THBS4: variants seen among roughly 807,000 people sequenced by gnomAD.
The protein encoded by THBS4 is thrombospondin 4, also known as thrombospondin-4.
A neutral mutation model predicts 115.7 loss-of-function variants in THBS4; 90 were observed. The observed-to-expected ratio is 0.78, with a 90% CI of 0.66 to 0.93. THBS4 has a LOEUF of 0.93. THBS4 is among the 40% of genes least tolerant of loss of function. The probability of loss-of-function intolerance (pLI) is 0.00; values close to 1 mark genes in which losing one functional copy is unlikely to be tolerated. For missense variants in THBS4, 1,087 were observed against 1,232.7 expected (o/e 0.88, Z 1.77); for synonymous variants, 460 against 479.3 (o/e 0.96, Z 0.53).
chr5:80,026,223 C>G (rs1000939063), intron 2 of THBS4, among the ~76,000 whole-genome samples: 5 of 152,166 alleles, frequency 3.3e-5, no homozygotes, highest in Admixed American at 3.3e-4. Flanking sequence ...GAAAGAAACA[C>G]TATACTTAGA....
At position 80,082,388 on chromosome 5, in the gene THBS4, CG is replaced by C. The variant is rs1743557307; in HGVS notation, c.2685-16del. ...GGGTTGGATTTCATGGAGGCCCCTC[CG>C]GCCGTGTTGTCCGCAGGGTACGATT... On this transcript the variant is annotated splice_polypyrimidine_tract_variant and intron_variant, in intron 20 of 21. Transcript: ENST00000350881. 6.2e-7 allele frequency: 1 copy of C among 1,612,230 alleles called. No individual in the cohort carries two copies. Among genetic ancestry groups the C allele is most frequent in the African/African-American group, 1.3e-5 (1 of 74,862 alleles).
chr5:80,076,685 T>C (rs940088756), intron 15 of THBS4, among the ~76,000 whole-genome samples, 170 bp from the exon 16 acceptor site: 5 of 152,168 alleles, frequency 3.3e-5, no homozygotes, highest in African/African-American at 1.2e-4. Context: ...GAAAATTGTC[T>C]CTGAGGCCCA....
intron 18 of THBS4, 42 bp downstream of exon 18, chr5:80,079,011 C>T: frequency 1.2e-6 from 2 of 1,613,340 alleles, no homozygotes; most frequent in Non-Finnish European, 1.7e-6. Context: ...AGAATTCTTC[C>T]AGCTACTAGT....
chr5:80,027,679 C>G (rs1023926372), intron 2 of THBS4, among the ~76,000 whole-genome samples: 1 of 151,788 alleles, frequency 6.6e-6, no homozygotes, highest in African/African-American at 2.4e-5. Context: ...GTGGACTGCT[C>G]GAGCCCAGGA....
At chr5:80,039,238 G>T (rs1832815930) in intron 1 of THBS4, among the ~76,000 whole-genome samples, 1 of 152,182 alleles carries the variant, frequency 6.6e-6, no homozygotes, top group South Asian at 2.1e-4. Flanking sequence ...ATTTGCGTCT[G>T]CTAATAGATA....
chr5:80,032,013 C>A (rs1832594922), upstream of THBS4, among the ~76,000 whole-genome samples: 1 of 151,820 alleles, frequency 6.6e-6, no homozygotes, highest in Non-Finnish European at 1.5e-5. Context: ...ATGAGATAAT[C>A]CTAAGGAGCT....
At chr5:80,054,911 A>G (rs1833373013) in intron 2 of THBS4, among the ~76,000 whole-genome samples, 1 of 152,236 alleles carries the variant, frequency 6.6e-6, no homozygotes, top group African/African-American at 2.4e-5. Flanking sequence ...AATCACACTC[A>G]GGTTCAGATT....
chr5:80,050,714 G>A (rs1466399256), intron 2 of THBS4, among the ~76,000 whole-genome samples: 1 of 152,166 alleles, frequency 6.6e-6, no homozygotes, highest in Non-Finnish European at 1.5e-5. Flanking sequence ...TTCGGGAAAG[G>A]GCTGTTATCA....
chr5:80,054,940 A>G (rs1049837794), intron 2 of THBS4, among the ~76,000 whole-genome samples: 3 of 152,176 alleles, frequency 2.0e-5, no homozygotes, highest in Admixed American at 2.0e-4. Context: ...GCCACTTCCT[A>G]TGTCCTTGAG....
chr5:80,025,728 G>T (rs1832463379), intron 2 of THBS4, among the ~76,000 whole-genome samples: 1 of 152,148 alleles, frequency 6.6e-6, no homozygotes, highest in African/African-American at 2.4e-5. Context: ...GGGACCCTTT[G>T]TCGCCTCTCA....
intron 2 of THBS4, among the ~76,000 whole-genome samples, chr5:80,003,955 T>C (rs1403599392): frequency 6.6e-6 from 1 of 152,208 alleles, no homozygotes; most frequent in Non-Finnish European, 1.5e-5. Flanking sequence ...ACAGCGAGGA[T>C]CTGGTAGTAA....
chr5:80,075,567 G>A (rs1379682201), intron 15 of THBS4, among the ~76,000 whole-genome samples: 1 of 152,098 alleles, frequency 6.6e-6, no homozygotes, highest in Non-Finnish European at 1.5e-5. Flanking sequence ...ATGTTCCCTG[G>A]TGCAGGTCAT....
intron 2 of THBS4, among the ~76,000 whole-genome samples, chr5:80,011,469 T>TA (rs900766739): frequency 6.6e-6 from 1 of 152,094 alleles, no homozygotes; most frequent in African/African-American, 2.4e-5. Context: ...GGAGAAGGGA[T>TA]ACTGGGGAGC....
chr5:79,997,823 C>T (rs1831825511), intron 1 of THBS4, among the ~76,000 whole-genome samples: 1 of 152,180 alleles, frequency 6.6e-6, no homozygotes, highest in Non-Finnish European at 1.5e-5. Context: ...TGGAATTAAA[C>T]TAGAAGTCAA....
intron 2 of THBS4, among the ~76,000 whole-genome samples, chr5:80,042,127 A>G (rs541303884): frequency 6.6e-6 from 1 of 152,116 alleles, no homozygotes; most frequent in Non-Finnish European, 1.5e-5. Flanking sequence ...TCAGATAATA[A>G]AGTGAGTCTG....
chr5:80,075,929 C>A (rs1342501246), intron 15 of THBS4: 1 of 152,320 alleles, frequency 6.6e-6, no homozygotes, highest in Non-Finnish European at 1.5e-5. Flanking sequence ...AGAGCATGGT[C>A]TGGTCCCTGG....
rs142541973 is a variant in THBS4, at chr5:80,049,653, G to A, written c.293-6132G>A. On this transcript the variant is annotated intron_variant, in intron 2 of 21. Transcript: ENST00000350881. ...TTTTCACTTCCCATAAGTAGTTGTAGTGGTGCCCTCAGATACTATGGGATG... is the reference window on the plus strand; with the variant it reads ...TTTTCACTTCCCATAAGTAGTTGTAATGGTGCCCTCAGATACTATGGGATG... Among the ~76,000 whole-genome samples the A allele has an allele frequency of 8.2e-3, 1,243 of 152,252 alleles. 8 individuals carry two copies. Among genetic ancestry groups the A allele is most frequent in the Non-Finnish European group, 0.011 (737 of 68,020 alleles).
intron 9 of THBS4, among the ~76,000 whole-genome samples, chr5:80,065,963 CG>C (rs1337708429): frequency 6.6e-6 from 1 of 151,994 alleles, no homozygotes; most frequent in Non-Finnish European, 1.5e-5. Context: ...GGCCTGGTGG[CG>C]GGTGCCTGTA....
chr5:80,061,567 A>G, intron 7 of THBS4, 128 bp from the exon 8 acceptor site: 1 of 1,289,432 alleles, frequency 7.8e-7, no homozygotes, highest in East Asian at 2.4e-5. Context: ...GGAAGCCTTT[A>G]TTTCCTTTTA....
Sources: gnomAD v4.1 joint callset for allele counts (sites outside exome capture counted in the v4.1 genomes callset) on GRCh38, gnomAD v4.1.1 for gene constraint, MANE v1.5 for transcripts, NCBI Gene and HGNC (gene_info 2026-07-23, HGNC 2026-07-21) for gene names.